Variants in LAMA2 observed in about 807,000 individuals in gnomAD.
LAMA2 encodes laminin subunit alpha 2.
Under a neutral mutation model 364.8 loss-of-function variants are expected in LAMA2, and 269 were observed. The ratio of observed to expected loss-of-function variants is 0.74; its 90% CI spans 0.67 to 0.82. The LOEUF (loss-of-function observed/expected upper bound fraction) is 0.82, where lower values mean the gene tolerates loss of function less well. Among genes scored for constraint, LAMA2 ranks in the 40% least tolerant of loss-of-function variants. LAMA2 has a pLI of 0.00. For synonymous variants in LAMA2, 1,379 were observed against 1,370.6 expected (o/e 1.01, Z -0.14); for missense variants, 3,807 against 3,873.2 (o/e 0.98, Z 0.45).
intron 9 of LAMA2, among the ~76,000 whole-genome samples, chr6:129,174,400 G>A (rs1478813009): frequency 6.6e-6 from 1 of 151,830 alleles, no homozygotes; most frequent in Non-Finnish European, 1.5e-5. Flanking sequence ...TCTGTTAGAA[G>A]CACTCTGTTA....
intron 1 of LAMA2, among the ~76,000 whole-genome samples, chr6:129,014,138 G>T (rs1400957984): frequency 6.6e-6 from 1 of 152,096 alleles, no homozygotes; most frequent in Non-Finnish European, 1.5e-5. Context: ...TTCATGGAGG[G>T]AAGGCCAGAG....
chr6:129,402,217 A>G (rs1780017079), intron 38 of LAMA2, 107 bp from the exon 39 acceptor site: 1 of 879,982 alleles, frequency 1.1e-6, no homozygotes. Flanking sequence ...TCAAAAAAAA[A>G]AAAAAAAAAA....
Position 129,369,913 on chromosome 6 carries a change from G to T in LAMA2, c.4882G>T (p.Ala1628Ser). 1 of 1,614,030 alleles carries T rather than the reference G, an allele frequency of 6.2e-7. No homozygotes were observed. Among genetic ancestry groups the T allele is most frequent in the South Asian group, 1.1e-5 (1 of 91,080 alleles). ...TCAGCACTTGCTGTCACCTCAGCGG[G>T]CCCCAGAGAGGCTTATTCAGCTGGC... ...ELKHLLSPQR[A>S]PERLIQLAEG... The change falls in exon 34 of 65, where the codon GCC becomes TCC. Residue 1628 changes from alanine to serine, a missense_variant. Transcript: ENST00000421865.
intron 4 of LAMA2, among the ~76,000 whole-genome samples, chr6:129,123,705 A>C (rs914104081): frequency 2.0e-5 from 3 of 152,348 alleles, no homozygotes; most frequent in Admixed American, 1.3e-4. Flanking sequence ...ACATGAGAGT[A>C]GAATGGTAGT....
intron 61 of LAMA2, among the ~76,000 whole-genome samples, chr6:129,505,688 T>G (rs1456361478): frequency 1.3e-5 from 2 of 151,972 alleles, no homozygotes; most frequent in Non-Finnish European, 2.9e-5. Flanking sequence ...TTTTGTACTT[T>G]TAATAGAGAC....
chr6:129,496,241 A>C (rs1785183438), intron 58 of LAMA2, among the ~76,000 whole-genome samples: 1 of 152,072 alleles, frequency 6.6e-6, no homozygotes, highest in Non-Finnish European at 1.5e-5. Context: ...ATCTCGTCTC[A>C]CTGCAACCTC....
At chr6:129,405,757 A>G (rs1035479178) in intron 40 of LAMA2, among the ~76,000 whole-genome samples, 3 of 152,174 alleles carry the variant, frequency 2.0e-5, no homozygotes, top group Admixed American at 6.5e-5. Context: ...AAAGAAATAT[A>G]TTTGAAAAGC....
At chr6:129,406,994 G>A (rs750530574) in intron 40 of LAMA2, among the ~76,000 whole-genome samples, 7 of 152,152 alleles carry the variant, frequency 4.6e-5, no homozygotes, top group South Asian at 4.1e-4. Flanking sequence ...AGAACTTGGA[G>A]TGTGATGTTC....
chr6:129,281,010 T>C (rs1224158937), intron 18 of LAMA2, among the ~76,000 whole-genome samples: 5 of 152,086 alleles, frequency 3.3e-5, no homozygotes, highest in African/African-American at 4.8e-5. Context: ...CCAGGATGCA[T>C]AAAATTAATG....
chr6:129,210,216 T>TA (rs1300198612), intron 12 of LAMA2, among the ~76,000 whole-genome samples: 3 of 152,114 alleles, frequency 2.0e-5, no homozygotes, highest in African/African-American at 4.8e-5. Context: ...TCCAAGGCTT[T>TA]AAAAAAACAA....
intron 12 of LAMA2, among the ~76,000 whole-genome samples, chr6:129,217,344 T>C (rs1024657257): frequency 2.0e-5 from 3 of 152,182 alleles, no homozygotes; most frequent in Admixed American, 2.0e-4. Context: ...AGATGTGTAA[T>C]TATATTAATT....
intron 1 of LAMA2, among the ~76,000 whole-genome samples, chr6:128,896,948 T>G (rs997923357): frequency 6.6e-6 from 1 of 152,268 alleles, no homozygotes; most frequent in African/African-American, 2.4e-5. Context: ...TACCTAACTA[T>G]GGGCCAGCAC....
At chr6:129,060,505 A>G (rs535230681) in intron 3 of LAMA2, among the ~76,000 whole-genome samples, 1 of 152,332 alleles carries the variant, frequency 6.6e-6, no homozygotes, top group South Asian at 2.1e-4. Context: ...GTCAGGCTGA[A>G]GTTATTAATC....
chr6:128,915,991 T>C (rs1351064430), intron 1 of LAMA2, among the ~76,000 whole-genome samples: 1 of 152,202 alleles, frequency 6.6e-6, no homozygotes, highest in Non-Finnish European at 1.5e-5. Context: ...AATTTAAATA[T>C]AGTTTTCATT....
Position 129,075,176 on chromosome 6 carries a change from C to G in LAMA2, c.396+15280C>G, listed in dbSNP as rs556260547. Among the ~76,000 whole-genome samples the G allele has an allele frequency of 4.6e-5, 7 of 152,166 alleles. No homozygotes were observed. In the East Asian group the frequency reaches 1.2e-3, roughly 25 times the overall value. Reference sequence around the variant, plus strand: ...CATTTTTCAGGAAGTGATATTTGAGCTGAGAATTAAAAACCAGAAAATACC... The same window carrying G: ...CATTTTTCAGGAAGTGATATTTGAGGTGAGAATTAAAAACCAGAAAATACC... On this transcript the variant is annotated intron_variant, in intron 3 of 64. Coordinates refer to ENST00000421865, the MANE Select transcript of LAMA2 (RefSeq NM_000426.4).
At chr6:129,429,304 G>A (rs1320937611) in intron 41 of LAMA2, among the ~76,000 whole-genome samples, 2 of 152,018 alleles carry the variant, frequency 1.3e-5, no homozygotes, top group East Asian at 1.9e-4. Context: ...TAAATTTTTG[G>A]CATTCCATCT....
chr6:129,470,114 A>T (rs1472088288), intron 51 of LAMA2, among the ~76,000 whole-genome samples: 1 of 151,866 alleles, frequency 6.6e-6, no homozygotes, highest in Non-Finnish European at 1.5e-5. Context: ...CTGTTTTAAA[A>T]ATAGGACAGA....
At chr6:129,035,301 CTTTT>C (rs546836712) in intron 1 of LAMA2, among the ~76,000 whole-genome samples, 3,140 of 129,524 alleles carry the variant, frequency 0.024, 113 homozygotes, top group African/African-American at 0.086. Flanking sequence ...CTTTTCTTTT[CTTTT>C]TTTTTTTTTT....
intron 60 of LAMA2, among the ~76,000 whole-genome samples, chr6:129,504,279 C>A (rs754916084): frequency 6.6e-6 from 1 of 152,180 alleles, no homozygotes; most frequent in Admixed American, 6.5e-5. Flanking sequence ...GTTCTTCCAT[C>A]TCTAGCTAAT....
Sources: allele counts gnomAD v4.1 joint callset (sites outside exome capture counted in the v4.1 genomes callset), GRCh38; gene constraint gnomAD v4.1.1; transcripts MANE v1.5; gene names NCBI Gene and HGNC (gene_info 2026-07-23, HGNC 2026-07-21).